Variants in SLC44A5 observed in about 807,000 individuals in gnomAD.
SLC44A5 encodes choline transporter-like protein 5.
In SLC44A5, 57 loss-of-function variants were observed where a neutral mutation model predicts 101.8. The observed-to-expected ratio is 0.56, with a 90% CI of 0.45 to 0.70. The LOEUF (loss-of-function observed/expected upper bound fraction) is 0.70, where lower values mean the gene tolerates loss of function less well. Among genes scored for constraint, SLC44A5 ranks in the 30% least tolerant of loss-of-function variants. The pLI, the probability that SLC44A5 is intolerant of heterozygous loss-of-function variation, is 0.00. For missense variants in SLC44A5, 737 were observed against 853.1 expected (o/e 0.86, Z 1.70); for synonymous variants, 281 against 290.9 (o/e 0.97, Z 0.35).
intron 4 of SLC44A5, among the ~76,000 whole-genome samples, chr1:75,326,328 T>C (rs887305981): frequency 6.6e-6 from 1 of 151,700 alleles, no homozygotes; most frequent in Non-Finnish European, 1.5e-5. Context: ...TTGCCCACCT[T>C]TCAAGGCTCA....
Position 75,379,983 on chromosome 1 carries a change from G to A in SLC44A5, c.52+16600C>T, listed in dbSNP as rs1223301945. Among the ~76,000 whole-genome samples, 7 of 83,520 alleles carry A rather than the reference G, an allele frequency of 8.4e-5. 3 individuals are homozygous for A. Among genetic ancestry groups the A allele is most frequent in the South Asian group, 3.5e-4 (1 of 2,824 alleles). 54.8% of individuals were successfully genotyped at this position (83,520 alleles called of 152,430 possible). ...GGAAAACATTGGGCTAGTCAATGTC[G>A]TTCTAAATTTGATAAAAATGGGCAA... On this transcript the variant is annotated intron_variant, in intron 3 of 23. Coordinates refer to ENST00000370859, the MANE Select transcript of SLC44A5 (RefSeq NM_001130058.2).
At chr1:75,224,234 C>G (rs1647149400) in intron 13 of SLC44A5, among the ~76,000 whole-genome samples, 1 of 152,152 alleles carries the variant, frequency 6.6e-6, no homozygotes, top group South Asian at 2.1e-4. Context: ...ATTGTGCTGA[C>G]AGTCATATAA....
chr1:75,216,868 A>T (rs1309053332), intron 18 of SLC44A5, among the ~76,000 whole-genome samples: 2 of 152,040 alleles, frequency 1.3e-5, no homozygotes. Flanking sequence ...CTTATCTGGC[A>T]TATGATTTGG....
intron 3 of SLC44A5, among the ~76,000 whole-genome samples, chr1:75,360,626 TGA>T (rs1202239475): frequency 6.6e-6 from 1 of 152,186 alleles, no homozygotes; most frequent in Non-Finnish European, 1.5e-5. Context: ...TGTAAATGTG[TGA>T]GTTTTATTTG....
intron 9 of SLC44A5, among the ~76,000 whole-genome samples, chr1:75,241,638 G>A (rs1401776079): frequency 6.6e-6 from 1 of 151,964 alleles, no homozygotes; most frequent in Non-Finnish European, 1.5e-5. Context: ...CTACTCCTCA[G>A]GCAATTTCTG....
At chr1:75,481,000 A>C (rs1262232172) in intron 2 of SLC44A5, among the ~76,000 whole-genome samples, 5 of 152,310 alleles carry the variant, frequency 3.3e-5, no homozygotes, top group Non-Finnish European at 7.4e-5. Flanking sequence ...CTGACTTCAA[A>C]CTATACTACA....
chr1:75,693,240 G>T, the SLC44A5 span, among the ~76,000 whole-genome samples: 1 of 152,200 alleles, frequency 6.6e-6, no homozygotes. Flanking sequence ...TTCAGTTCTA[G>T]GGAAGTTTGG....
chr1:75,477,002 C>A (rs1481184501), intron 2 of SLC44A5, among the ~76,000 whole-genome samples: 1 of 152,194 alleles, frequency 6.6e-6, no homozygotes, highest in African/African-American at 2.4e-5. Flanking sequence ...GGAGGCACCC[C>A]CCAGCAGGGG....
At chr1:75,644,392 C>T in the SLC44A5 span, among the ~76,000 whole-genome samples, 3 of 151,668 alleles carry the variant, frequency 2.0e-5, no homozygotes, top group Admixed American at 1.3e-4. Flanking sequence ...AAACAATTGG[C>T]CTATAAGTAT....
chr1:75,678,460 A>T, the SLC44A5 span, among the ~76,000 whole-genome samples: 3 of 151,964 alleles, frequency 2.0e-5, no homozygotes, highest in African/African-American at 7.3e-5. Context: ...GACCCCTGAC[A>T]CCCGAGCAGC....
chr1:75,214,698 T>C lies in SLC44A5; in HGVS notation c.1729-20A>G. 1.2e-6 allele frequency: 2 copies of C among 1,600,482 alleles called. No homozygotes were observed. Among genetic ancestry groups the C allele is most frequent in the Non-Finnish European group, 1.7e-6 (2 of 1,169,958 alleles). Reference sequence around the variant, plus strand: ...TGCAATCTGAGGAAGACAGTGGCTATTATTCTGGAGCCAGTAACATACTCT... The same window carrying C: ...TGCAATCTGAGGAAGACAGTGGCTACTATTCTGGAGCCAGTAACATACTCT... On this transcript the variant is annotated intron_variant, in intron 19 of 23. Coordinates refer to ENST00000370859, the MANE Select transcript of SLC44A5 (RefSeq NM_001130058.2).
chr1:75,360,149 T>C (rs902016676), intron 3 of SLC44A5, among the ~76,000 whole-genome samples: 2 of 152,184 alleles, frequency 1.3e-5, no homozygotes, highest in African/African-American at 2.4e-5. Context: ...TTACTTCCTT[T>C]ACTGTTCAAA....
chr1:75,370,741 G>C (rs1660168993), intron 3 of SLC44A5, among the ~76,000 whole-genome samples: 1 of 152,222 alleles, frequency 6.6e-6, no homozygotes, highest in East Asian at 1.9e-4. Flanking sequence ...TACGGGATCA[G>C]AGTGGGTATA....
chr1:75,230,203 GC>G (rs1460342257), intron 12 of SLC44A5, among the ~76,000 whole-genome samples: 2 of 150,440 alleles, frequency 1.3e-5, no homozygotes, highest in Admixed American at 6.6e-5. Context: ...TATTTTTGTT[GC>G]CCAAGCCTTT....
At chr1:75,350,893 C>CAA (rs11292382) in intron 3 of SLC44A5, among the ~76,000 whole-genome samples, 5 of 79,878 alleles carry the variant, frequency 6.3e-5, no homozygotes, top group African/African-American at 2.3e-4. Flanking sequence ...GACTCCATCT[C>CAA]AAAAAAAAAA....
At chr1:75,393,064 G>A (rs922516733) in intron 3 of SLC44A5, among the ~76,000 whole-genome samples, 3 of 152,202 alleles carry the variant, frequency 2.0e-5, no homozygotes, top group Non-Finnish European at 4.4e-5. Flanking sequence ...CTCACTATTT[G>A]GGTGACAGAT....
At chr1:75,259,017 C>T (rs1289863919) in intron 6 of SLC44A5, among the ~76,000 whole-genome samples, 1 of 152,076 alleles carries the variant, frequency 6.6e-6, no homozygotes, top group East Asian at 1.9e-4. Flanking sequence ...GAGACCCCAG[C>T]CAAAGGTCAC....
chr1:75,664,038 A>C, the SLC44A5 span, among the ~76,000 whole-genome samples: 1 of 152,164 alleles, frequency 6.6e-6, no homozygotes, highest in Non-Finnish European at 1.5e-5. Flanking sequence ...ACCACTTAAG[A>C]GGAATCAAAA....
intron 2 of SLC44A5, among the ~76,000 whole-genome samples, chr1:75,534,552 T>G (rs1288661496): frequency 6.6e-6 from 1 of 152,226 alleles, no homozygotes; most frequent in Non-Finnish European, 1.5e-5. Flanking sequence ...CAGGGTTGGT[T>G]AGCCTGTTAT....
Sources: gnomAD v4.1 joint callset for allele counts (sites outside exome capture counted in the v4.1 genomes callset) on GRCh38, gnomAD v4.1.1 for gene constraint, MANE v1.5 for transcripts, NCBI Gene and HGNC (gene_info 2026-07-23, HGNC 2026-07-21) for gene names.